LAIR2: variants seen among roughly 807,000 people sequenced by gnomAD.
LAIR2 encodes the protein leukocyte-associated immunoglobulin-like receptor 2.
Under a neutral mutation model 14.8 loss-of-function variants are expected in LAIR2, and 14 were observed. The ratio of observed to expected loss-of-function variants is 0.95; its 90% CI spans 0.62 to 1.48. The LOEUF (loss-of-function observed/expected upper bound fraction) is 1.48. Among genes scored for constraint, LAIR2 ranks in the 40% most tolerant of loss-of-function variants. The pLI is 0.00. For missense variants in LAIR2, 172 were observed against 180.9 expected, an observed-to-expected ratio of 0.95 and a Z score of 0.28; for synonymous variants, 75 against 74.5, an observed-to-expected ratio of 1.01 and a Z score of -0.03.
intron 2 of LAIR2, among the ~76,000 whole-genome samples, chr19:54,506,996 G>A (rs927827789): frequency 4.0e-5 from 6 of 151,772 alleles, no homozygotes; most frequent in Non-Finnish European, 8.8e-5. Context: ...CGATTCCACA[G>A]TGTATACCTG....
In LAIR2 at chr19:54,510,299, C is replaced by A. The variant is rs538683486; in HGVS notation, c.416-227C>A. Among the ~76,000 whole-genome samples the A allele has an allele frequency of 5.3e-5, 8 of 150,870 alleles. No homozygotes were observed. In the East Asian group the frequency reaches 1.6e-3, roughly 29 times the overall value. On this transcript the variant is annotated intron_variant, in intron 4 of 4. Transcript: ENST00000301202. Reference sequence around the variant, plus strand: ...AGATTGCTGGGTTCATGGTTCAAATCCCGGTGGTTCTGCCACCCCCTGGCT... The same window carrying A: ...AGATTGCTGGGTTCATGGTTCAAATACCGGTGGTTCTGCCACCCCCTGGCT...
chr19:54,503,192 T>TG (rs1448446581), intron 1 of LAIR2, among the ~76,000 whole-genome samples: 8 of 151,812 alleles, frequency 5.3e-5, no homozygotes, highest in South Asian at 2.1e-4. Flanking sequence ...CCAGGCGCGG[T>TG]GCTCACACCT....
intron 1 of LAIR2, among the ~76,000 whole-genome samples, chr19:54,503,378 A>C (rs1463968419): frequency 6.6e-6 from 1 of 151,876 alleles, no homozygotes; most frequent in Non-Finnish European, 1.5e-5. Context: ...GAATTGCTTG[A>C]ACCCGGGAGG....
chr19:54,502,989 G>T (rs199798958), intron 1 of LAIR2, 37 bp downstream of exon 1: 29 of 1,591,274 alleles, frequency 1.8e-5, no homozygotes. Flanking sequence ...CTGGAAAGGG[G>T]GTCGGGAGGT....
intron 2 of LAIR2, among the ~76,000 whole-genome samples, chr19:54,505,287 G>A (rs146096757): frequency 0.026 from 3,945 of 152,112 alleles, 108 homozygotes; most frequent in African/African-American, 0.088. Flanking sequence ...GGCGGGGAAC[G>A]TGACAGTCAC....
chr19:54,508,084 T>C lies in LAIR2; in HGVS notation c.264T>C (p.Ile88=). 1 of 1,614,194 alleles carries C rather than the reference T, an allele frequency of 6.2e-7. No homozygotes were observed. Among genetic ancestry groups the C allele is most frequent in the African/African-American group, 1.3e-5 (1 of 75,040 alleles). Reference sequence around the variant, plus strand: ...CTGAGTCAGAGGCCAGATTCCACATTGACTCAGTAAGTGAAGGAAATGCCG... The same window carrying C: ...CTGAGTCAGAGGCCAGATTCCACATCGACTCAGTAAGTGAAGGAAATGCCG... ...GPSESEARFH[I]DSVSEGNAGL... The change falls in exon 3 of 5, where the codon ATT becomes ATC. Residue 88 remains isoleucine (I), a synonymous_variant. Transcript: ENST00000301202.
intron 1 of LAIR2, 136 bp downstream of exon 1, chr19:54,503,088 C>T: frequency 1.2e-6 from 1 of 810,868 alleles, no homozygotes; most frequent in East Asian, 2.5e-5. Context: ...CCCTACTGCT[C>T]TCCCTGGGGC....
intron 1 of LAIR2, 56 bp downstream of exon 1, chr19:54,503,008 T>C: frequency 6.5e-7 from 1 of 1,532,978 alleles, no homozygotes; most frequent in Non-Finnish European, 8.9e-7. Context: ...GTCTGGAAAG[T>C]TCCCTGCTCA....
intron 4 of LAIR2, 60 bp from the exon 5 acceptor site, chr19:54,510,466 T>A: frequency 6.8e-7 from 1 of 1,471,144 alleles, no homozygotes; most frequent in Non-Finnish European, 9.5e-7. Context: ...CAGTGCTGAT[T>A]AGAAAACCCC....
chr19:54,508,531 G>T (rs1195670013), intron 3 of LAIR2, among the ~76,000 whole-genome samples: 3 of 152,232 alleles, frequency 2.0e-5, no homozygotes, highest in Admixed American at 6.5e-5. Flanking sequence ...TTTTCACACA[G>T]GATTGATGGT....
At chr19:54,507,726 G>C (rs979296122) in intron 2 of LAIR2, among the ~76,000 whole-genome samples, 165 bp from the exon 3 acceptor site, 1 of 152,250 alleles carries the variant, frequency 6.6e-6, no homozygotes, top group African/African-American at 2.4e-5. Context: ...TCACATGCAC[G>C]TAGAAGGTGC....
chr19:54,506,905 C>T (rs190624812), intron 2 of LAIR2, among the ~76,000 whole-genome samples: 26 of 152,226 alleles, frequency 1.7e-4, no homozygotes, highest in Admixed American at 1.2e-3. Context: ...GCTTGAAAAT[C>T]GCTAAGAGGG....
chr19:54,505,820 GA>G (rs2085355289), intron 2 of LAIR2, among the ~76,000 whole-genome samples: 1 of 140,868 alleles, frequency 7.1e-6, no homozygotes, highest in African/African-American at 2.7e-5. Context: ...CTCACATGCT[GA>G]TTTTTTTTTT....
chr19:54,505,913 C>G (rs1348825479), intron 2 of LAIR2, among the ~76,000 whole-genome samples: 1 of 151,772 alleles, frequency 6.6e-6, no homozygotes, highest in African/African-American at 2.4e-5. Context: ...CCTCTGCCTC[C>G]CTGGTTGAAG....
chr19:54,503,921 A>G (rs1217560871), intron 2 of LAIR2, among the ~76,000 whole-genome samples, 186 bp downstream of exon 2: 1 of 151,602 alleles, frequency 6.6e-6, no homozygotes, highest in Non-Finnish European at 1.5e-5. Context: ...TCCACCTGTC[A>G]TGTTTTGCTT....
chr19:54,503,653 A>C (rs2123385556), intron 1 of LAIR2, 47 bp from the exon 2 acceptor site: 1 of 1,612,754 alleles, frequency 6.2e-7, no homozygotes, highest in Middle Eastern at 1.7e-4. Context: ...CAGCCCTGTA[A>C]GGAGACTGGG....
chr19:54,503,863 A>T (rs992881858), intron 2 of LAIR2, 128 bp downstream of exon 2: 13 of 1,151,934 alleles, frequency 1.1e-5, no homozygotes, highest in African/African-American at 1.5e-5. Context: ...ATTGCAAACT[A>T]TTCCAAATGT....
At chr19:54,506,952 G>T (rs1568448225) in intron 2 of LAIR2, among the ~76,000 whole-genome samples, 1 of 151,904 alleles carries the variant, frequency 6.6e-6, no homozygotes, top group Non-Finnish European at 1.5e-5. Flanking sequence ...AATTAACTAC[G>T]CAAAGTGAGG....
chr19:54,503,248 G>T (rs1432461289), intron 1 of LAIR2, among the ~76,000 whole-genome samples: 1 of 151,896 alleles, frequency 6.6e-6, no homozygotes, highest in Non-Finnish European at 1.5e-5. Flanking sequence ...ATCACCTGAG[G>T]TCAGGAGTTT....
Sources: gnomAD v4.1 joint callset for allele counts (sites outside exome capture counted in the v4.1 genomes callset) on GRCh38, gnomAD v4.1.1 for gene constraint, MANE v1.5 for transcripts, NCBI Gene and HGNC (gene_info 2026-07-23, HGNC 2026-07-21) for gene names.